ERC1: variants seen among roughly 807,000 people sequenced by gnomAD.
The protein encoded by ERC1 is ELKS/RAB6-interacting/CAST family member 1.
ERC1 carries 56 observed loss-of-function variants against 132.0 expected under a neutral mutation model. The ratio of observed to expected loss-of-function variants is 0.42; its 90% CI spans 0.34 to 0.53. The LOEUF (loss-of-function observed/expected upper bound fraction) is 0.53. ERC1 is among the 20% of genes least tolerant of loss of function. The pLI is 0.03. For missense variants in ERC1, 1,202 were observed against 1,349.9 expected, an observed-to-expected ratio of 0.89 and a Z score of 1.72; for synonymous variants, 478 against 476.1, an observed-to-expected ratio of 1.00 and a Z score of -0.05.
At chr12:1,141,819 C>T in intron 8 of ERC1, 32 bp downstream of exon 8, 1 of 1,500,966 alleles carries the variant, frequency 6.7e-7, no homozygotes, top group Non-Finnish European at 9.0e-7. Context: ...TTCAGTGGCC[C>T]ATTCCTCATA....
At position 1,201,250 on chromosome 12, in the gene ERC1, G is replaced by A. The variant is rs144157703; in HGVS notation, c.2351+11198G>A. On this transcript the variant is annotated intron_variant, in intron 12 of 18. Transcript: ENST00000360905. ...GGATACACGTACAAGTAAATGGCAT[G>A]GTATAATCTAATTGGTATAACTTTT... Among the ~76,000 whole-genome samples the A allele has an allele frequency of 4.6e-5, 7 of 152,040 alleles. No homozygotes were observed. The East Asian group carries it at 1.4e-3, about 29-fold the overall frequency.
chr12:1,223,348 T>G (rs2074316724), intron 12 of ERC1, among the ~76,000 whole-genome samples: 1 of 152,234 alleles, frequency 6.6e-6, no homozygotes, highest in Non-Finnish European at 1.5e-5. Context: ...AAAGTAAATA[T>G]GGGCAAAGCC....
intron 7 of ERC1, among the ~76,000 whole-genome samples, chr12:1,131,022 G>A (rs1948713261): frequency 6.6e-6 from 1 of 152,136 alleles, no homozygotes; most frequent in African/African-American, 2.4e-5. Context: ...CAGGAAAATT[G>A]TAGAAAATAT....
At chr12:1,072,985 G>A (rs1041251799) in intron 2 of ERC1, among the ~76,000 whole-genome samples, 4 of 151,984 alleles carry the variant, frequency 2.6e-5, no homozygotes, top group Non-Finnish European at 5.9e-5. Context: ...GAGCCACTGT[G>A]TCCAGCCAAT....
At chr12:1,386,346 A>T (rs116488675) in intron 16 of ERC1, among the ~76,000 whole-genome samples, 2,657 of 151,646 alleles carry the variant, frequency 0.018, 39 homozygotes, top group South Asian at 0.041. Flanking sequence ...CACAAAAAAA[A>T]TTTTAATTGA....
At chr12:1,112,942 T>C (rs1946047729) in intron 6 of ERC1, among the ~76,000 whole-genome samples, 1 of 152,204 alleles carries the variant, frequency 6.6e-6, no homozygotes, top group South Asian at 2.1e-4. Context: ...GATTTGCATC[T>C]GTGTGTTTAA....
intron 15 of ERC1, among the ~76,000 whole-genome samples, chr12:1,306,194 C>T (rs1329547905): frequency 5.9e-5 from 9 of 152,170 alleles, no homozygotes; most frequent in East Asian, 3.8e-4. Flanking sequence ...TAAACACCTT[C>T]GTATCTCATT....
chr12:1,438,954 A>AAAAAAAAAATATATATATATATCTATAT (rs1015181197), intron 17 of ERC1, among the ~76,000 whole-genome samples: 1 of 143,492 alleles, frequency 7.0e-6, no homozygotes, highest in African/African-American at 2.6e-5. Context: ...TTTAAAAAAA[A>AAAAAAAAAATATATATATATATCTATAT]ATATATATAT....
intron 18 of ERC1, among the ~76,000 whole-genome samples, chr12:1,466,081 ATTACC>A (rs1271545241): frequency 1.3e-5 from 2 of 152,152 alleles, no homozygotes; most frequent in Non-Finnish European, 2.9e-5. Context: ...CCAACACTGT[ATTACC>A]TTGCTCGGGA....
intron 15 of ERC1, among the ~76,000 whole-genome samples, chr12:1,327,099 C>G (rs2082498107): frequency 6.6e-6 from 1 of 152,180 alleles, no homozygotes; most frequent in Non-Finnish European, 1.5e-5. Flanking sequence ...ATTATTTCAT[C>G]TACCACATTA....
intron 2 of ERC1, among the ~76,000 whole-genome samples, chr12:1,029,461 G>A (rs922721738): frequency 6.6e-6 from 1 of 152,098 alleles, no homozygotes; most frequent in Non-Finnish European, 1.5e-5. Flanking sequence ...GTAGCTTTTC[G>A]TTCTGTAATT....
chr12:1,137,095 C>CTTTTCTTTTTTTTTTTTTTTTTTT (rs1566056373), intron 7 of ERC1, among the ~76,000 whole-genome samples: 1 of 134,748 alleles, frequency 7.4e-6, no homozygotes, highest in African/African-American at 2.8e-5. Flanking sequence ...TTCTTTTTTT[C>CTTTTCTTTTTTTTTTTTTTTTTTT]TTTTCTTTTT....
intron 7 of ERC1, among the ~76,000 whole-genome samples, chr12:1,130,655 A>G (rs1442408729): frequency 6.9e-6 from 1 of 144,114 alleles, no homozygotes; most frequent in Non-Finnish European, 1.5e-5. Context: ...TAAACTATGT[A>G]CTGTGGAATG....
chr12:1,408,070 A>G (rs760936218), intron 16 of ERC1, 79 bp from the exon 17 acceptor site: 52 of 932,754 alleles, frequency 5.6e-5, no homozygotes, highest in Admixed American at 1.7e-4. Flanking sequence ...TTCTTATGGA[A>G]CTCTTAAAAT....
At chr12:1,156,692 A>G (rs1382298623) in intron 8 of ERC1, among the ~76,000 whole-genome samples, 1 of 152,136 alleles carries the variant, frequency 6.6e-6, no homozygotes, top group African/African-American at 2.4e-5. Context: ...GTTTCATTAA[A>G]CATTTGTTAT....
Position 1,491,235 on chromosome 12 carries a change from C to T in ERC1, c.*1005C>T, listed in dbSNP as rs2154435187. ...GCCTTGCCAGCACCCGTGTCCTGAGCTCCTGCAGCCCAGTGGCTGCTGAAG... is the reference window on the plus strand; with the variant it reads ...GCCTTGCCAGCACCCGTGTCCTGAGTTCCTGCAGCCCAGTGGCTGCTGAAG... On this transcript the variant is annotated 3_prime_UTR_variant, in exon 19 of 19. Coordinates refer to ENST00000360905, the MANE Select transcript of ERC1 (RefSeq NM_178040.4). 4.3e-6 allele frequency: 1 copy of T among 231,480 alleles called. No homozygotes were observed. The highest frequency in any genetic ancestry group is 1.8e-4 in the South Asian group (1 of 5,514). 14.3% of individuals were successfully genotyped at this position (231,480 alleles called of 1,614,324 possible).
At chr12:1,383,825 G>A (rs953220659) in intron 16 of ERC1, among the ~76,000 whole-genome samples, 3 of 152,172 alleles carry the variant, frequency 2.0e-5, no homozygotes, top group Non-Finnish European at 4.4e-5. Flanking sequence ...AGAAAATACT[G>A]TTTAACGTTT....
At position 1,220,117 on chromosome 12, in the gene ERC1, TG is replaced by T. The variant is rs144127888; in HGVS notation, c.2352-16651del. ...AAGCCTTTGTAGTTATGATTCTCTG[TG>T]CCTCTTCTCCTAGATCATTATATGT... is the stretch of plus-strand genomic sequence containing the variant. On this transcript the variant is annotated intron_variant, in intron 12 of 18. Transcript: ENST00000360905. Among the ~76,000 whole-genome samples, 693 of 152,328 alleles carry T rather than the reference TG, an allele frequency of 4.5e-3. 5 individuals are homozygous for T. The highest frequency in any genetic ancestry group is 0.016 in the African/African-American group (651 of 41,564).
chr12:1,133,339 C>A (rs1373980756), intron 7 of ERC1, among the ~76,000 whole-genome samples: 1 of 152,144 alleles, frequency 6.6e-6, no homozygotes, highest in Admixed American at 6.5e-5. Flanking sequence ...AAGGCTTTGA[C>A]CTCCTTAACT....
Sources: gnomAD v4.1 joint callset for allele counts (sites outside exome capture counted in the v4.1 genomes callset) on GRCh38, gnomAD v4.1.1 for gene constraint, MANE v1.5 for transcripts, NCBI Gene and HGNC (gene_info 2026-07-23, HGNC 2026-07-21) for gene names.